C1QBP: variants seen among roughly 807,000 people sequenced by gnomAD.
C1QBP encodes complement component 1 Q subcomponent-binding protein, mitochondrial.
C1QBP carries 24 observed loss-of-function variants against 29.4 expected under a neutral mutation model. The ratio of observed to expected loss-of-function variants is 0.82; its 90% confidence interval spans 0.59 to 1.15. The LOEUF is 1.15. C1QBP is among the 50% of genes most tolerant of loss of function. The pLI, the probability that C1QBP is intolerant of heterozygous loss-of-function variation, is 0.00. For missense variants in C1QBP, 337 were observed against 355.8 expected (o/e 0.95, Z 0.43); for synonymous variants, 182 against 149.2 (o/e 1.22, Z -1.60).
intron 2 of C1QBP, among the ~76,000 whole-genome samples, chr17:5,436,352 A>T (rs1301351769): frequency 1.3e-5 from 2 of 151,432 alleles, no homozygotes; most frequent in Non-Finnish European, 2.9e-5. Flanking sequence ...AGGCAAGAGA[A>T]TCAGGACCCT....
In C1QBP at chr17:5,433,308, T is replaced by C; in HGVS notation, c.684A>G (p.Thr228=). The C allele has an allele frequency of 6.2e-7, 1 of 1,614,178 alleles. No homozygotes were observed. The highest frequency in any genetic ancestry group is 1.3e-5 in the African/African-American group (1 of 75,044). Residue 228 remains threonine, a synonymous_variant, in exon 5 of 6, where the codon ACA becomes ACG. Transcript: ENST00000225698. ...AAGCACTCACCCAGTCCAAGGAATC[T>C]GTGTTGAGTGTATAATTAGTATCCT... The part of the protein sequence containing the change: ...EWKDTNYTLN[T]DSLDWALYDH...
Position 5,439,095 on chromosome 17 carries a change from G to A in C1QBP, c.-22C>T. Reference sequence around the variant, plus strand: ...GCATCGCGGAAACGACTGCGAACACGTGCAGATGCAAAGGACAACCCAGGC... The same window carrying A: ...GCATCGCGGAAACGACTGCGAACACATGCAGATGCAAAGGACAACCCAGGC... On this transcript the variant is annotated 5_prime_UTR_variant, in exon 1 of 6. The change creates a new upstream start codon in the 5' untranslated region. Transcript: ENST00000225698. 1.9e-6 allele frequency: 3 copies of A among 1,540,400 alleles called. No homozygotes were observed. The highest frequency in any genetic ancestry group is 1.4e-5 in the African/African-American group (1 of 71,722).
chr17:5,435,929 C>T (rs1375749761), intron 2 of C1QBP, among the ~76,000 whole-genome samples: 1 of 149,204 alleles, frequency 6.7e-6, no homozygotes, highest in African/African-American at 2.5e-5. Context: ...GCCTGTAATC[C>T]CAGCTACTCA....
intron 2 of C1QBP, among the ~76,000 whole-genome samples, chr17:5,436,180 GCTGA>G (rs1341016441): frequency 6.6e-6 from 1 of 151,118 alleles, no homozygotes; most frequent in Non-Finnish European, 1.5e-5. Flanking sequence ...TTCCAACTGT[GCTGA>G]CTAAGCTGAG....
chr17:5,438,704 C>T, intron 1 of C1QBP, 138 bp downstream of exon 1: 2 of 1,525,094 alleles, frequency 1.3e-6, no homozygotes, highest in Non-Finnish European at 1.8e-6. Context: ...GAAATATGAT[C>T]ATACGTGGGT....
chr17:5,434,858 A>C lies in C1QBP; in HGVS notation c.477+15T>G. On this transcript the variant is annotated intron_variant, in intron 3 of 5. Coordinates refer to ENST00000225698, the MANE Select transcript of C1QBP (RefSeq NM_001212.4). ...GTCAGAACTGAGGTAAAAGCTGATT[A>C]TAGTATTAGCTTACCTCCTGTTCTT... 1 of 1,600,050 alleles carries C rather than the reference A, an allele frequency of 6.2e-7. No individual in the cohort carries two copies. The highest frequency in any genetic ancestry group is 1.1e-5 in the South Asian group (1 of 90,776).
At chr17:5,438,684 G>C (rs1051850529) in intron 1 of C1QBP, 158 bp downstream of exon 1, 1 of 1,458,886 alleles carries the variant, frequency 6.9e-7, no homozygotes, top group Non-Finnish European at 9.3e-7. Flanking sequence ...GCTGGATAGG[G>C]GAGGTGGGGG....
rs376384191 is a variant in C1QBP at position 5,433,745 on chromosome 17, T to C, written c.500A>G (p.Asn167Ser). 1.2e-6 allele frequency: 2 copies of C among 1,614,108 alleles called. No homozygotes were observed. Among genetic ancestry groups the C allele is most frequent in the Admixed American group, 1.7e-5 (1 of 60,018 alleles). Residue 167 changes from asparagine (N) to serine (S), a missense_variant, in exon 4 of 6, where the codon AAT becomes AGT. By Grantham distance (46) the Asn-to-Ser change is conservative (BLOSUM62 1). Coordinates refer to ENST00000225698, the MANE Select transcript of C1QBP (RefSeq NM_001212.4). ...EQEPELTSTP[N>S]FVVEVIKNDD... Reference sequence around the variant, plus strand: ...ATTCTTTATAACTTCAACCACGAAATTGGGAGTTGATGTCAGTTCAGGCTG... The same window carrying C: ...ATTCTTTATAACTTCAACCACGAAACTGGGAGTTGATGTCAGTTCAGGCTG...
chr17:5,436,553 C>T (rs1433433032), intron 2 of C1QBP, among the ~76,000 whole-genome samples: 3 of 151,478 alleles, frequency 2.0e-5, no homozygotes, highest in Non-Finnish European at 4.4e-5. Context: ...AAAGCACAAG[C>T]GACCAAAAAA....
intron 4 of C1QBP, 78 bp from the exon 5 acceptor site, chr17:5,433,493 C>G (rs1216674658): frequency 6.3e-7 from 1 of 1,578,466 alleles, no homozygotes; most frequent in Non-Finnish European, 8.7e-7. Flanking sequence ...GGGCCACTGA[C>G]AGCATGAAAC....
chr17:5,439,138 T>C lies in C1QBP; in HGVS notation c.-65A>G, dbSNP rs944535951. On this transcript the variant is annotated 5_prime_UTR_variant, in exon 1 of 6. Transcript: ENST00000225698. ...ACCCAGGCCTAGGCGCCCCGCGACCTGAGGCGCCGCCGGAAGCCCCGCCCC... is the reference window on the plus strand; with the variant it reads ...ACCCAGGCCTAGGCGCCCCGCGACCCGAGGCGCCGCCGGAAGCCCCGCCCC... 2.0e-5 allele frequency: 31 copies of C among 1,525,968 alleles called. 1 individual carries two copies. The Admixed American group carries it at 4.4e-4, about 22-fold the overall frequency. 94.5% of individuals were successfully genotyped at this position (1,525,968 alleles called of 1,614,324 possible). A position where few individuals can be genotyped will look rare whatever the true frequency, so the allele number is the denominator to read the frequency against.
At chr17:5,434,851 G>T (rs1485037254) in intron 3 of C1QBP, 22 bp downstream of exon 3, 2 of 1,593,900 alleles carry the variant, frequency 1.3e-6, no homozygotes, top group African/African-American at 2.7e-5. Flanking sequence ...TGAGGTAAAA[G>T]CTGATTATAG....
Position 5,433,709 on chromosome 17 carries a change from T to C in C1QBP, c.536A>G (p.Lys179Arg). Residue 179 changes from lysine to arginine, a missense_variant, in exon 4 of 6, where the codon AAG becomes AGG. Transcript: ENST00000225698. ...VVEVIKNDDG[K>R]KALVLDCHYP... ...ATGACAGTCCAACACAAGGGCCTTC[T>C]TGCCATCATCATTCTTTATAACTTC... The C allele has an allele frequency of 6.2e-7, 1 of 1,614,238 alleles. No homozygotes were observed. Among genetic ancestry groups the C allele is most frequent in the Non-Finnish European group, 8.5e-7 (1 of 1,180,042 alleles).
In C1QBP at chr17:5,438,986, G is replaced by T. The variant is rs1426889943; in HGVS notation, c.88C>A (p.Gln30Lys). ...RAAAPASPFR[Q>K]LLQPAPRLCT... ...AGCCGGGGTGCCGGCTGCAGGAGCT[G>T]CCGGAAAGGCGAGGCGGGCGCGGCA... Residue 30 changes from glutamine to lysine, a missense_variant, in exon 1 of 6, where the codon CAG (glutamine) becomes AAG (lysine). Physicochemically the swap from Gln to Lys is moderately conservative, Grantham distance 53. Transcript: ENST00000225698. 3.3e-6 allele frequency: 5 copies of T among 1,503,048 alleles called. No individual in the cohort carries two copies. Among genetic ancestry groups the T allele is most frequent in the Non-Finnish European group, 4.4e-6 (5 of 1,128,522 alleles). 93.1% of individuals were successfully genotyped at this position (1,503,048 alleles called of 1,614,324 possible).
Position 5,433,300 on chromosome 17 carries a change from A to G in C1QBP, c.692T>C (p.Leu231Ser). The change falls in exon 5 of 6, where the codon TTG becomes TCG. Residue 231 changes from leucine to serine, a missense_variant. Physicochemically the swap from Leu to Ser is moderately radical, Grantham distance 145. Transcript: ENST00000225698. ...ACCTTATCAAGCACTCACCCAGTCC[A>G]AGGAATCTGTGTTGAGTGTATAATT... ...DTNYTLNTDS[L>S]DWALYDHLMD... 6.2e-7 allele frequency: 1 copy of G among 1,614,176 alleles called. No homozygotes were observed. Among genetic ancestry groups the G allele is most frequent in the Non-Finnish European group, 8.5e-7 (1 of 1,180,040 alleles).
intron 3 of C1QBP, chr17:5,434,183 C>A: frequency 4.8e-6 from 1 of 209,950 alleles, no homozygotes. Context: ...GGCTGAATAA[C>A]AGCAGCAGCT....
Position 5,433,481 on chromosome 17 carries a change from G to A in C1QBP, c.577-66C>T, listed in dbSNP as rs539263893. ...GACAAGCTAGACTCAGGGGAAGAAA[G>A]GGGGCCACTGACAGCATGAAACTCA... is the stretch of plus-strand genomic sequence containing the variant. On this transcript the variant is annotated intron_variant, in intron 4 of 5. Transcript: ENST00000225698. The A allele has an allele frequency of 1.1e-4, 169 of 1,598,224 alleles. 1 individual carries two copies. The South Asian group carries it at 1.8e-3, about 17-fold the overall frequency.
At chr17:5,433,259 C>T in intron 5 of C1QBP, 34 bp downstream of exon 5, 1 of 1,613,804 alleles carries the variant, frequency 6.2e-7, no homozygotes, top group Non-Finnish European at 8.5e-7. Context: ...CCTTCCAAGG[C>T]CCAAAAGGTT....
chr17:5,439,017 G>A lies in C1QBP; in HGVS notation c.57C>T (p.Leu19=), dbSNP rs925841715. The change falls in exon 1 of 6, where the codon CTC becomes CTT. Residue 19 remains leucine, a synonymous_variant. Transcript: ENST00000225698. ...PRVLGSSVAG[L]RAAAPASPFR... ...AAGGCGAGGCGGGCGCGGCAGCGCGGAGGCCGGCGACGGAGGAGCCCAGCA... is the reference window on the plus strand; with the variant it reads ...AAGGCGAGGCGGGCGCGGCAGCGCGAAGGCCGGCGACGGAGGAGCCCAGCA... The A allele has an allele frequency of 9.3e-6, 14 of 1,500,772 alleles. No individual in the cohort carries two copies. Among genetic ancestry groups the A allele is most frequent in the Non-Finnish European group, 1.2e-5 (14 of 1,127,052 alleles). 93.0% of individuals were successfully genotyped at this position (1,500,772 alleles called of 1,614,324 possible).
Sources: allele counts gnomAD v4.1 joint callset (sites outside exome capture counted in the v4.1 genomes callset), GRCh38; gene constraint gnomAD v4.1.1; transcripts MANE v1.5; gene names NCBI Gene and HGNC (gene_info 2026-07-23, HGNC 2026-07-21).